SLC25A46: variants seen among roughly 807,000 people sequenced by gnomAD.
SLC25A46 encodes the protein solute carrier family 25 member 46.
SLC25A46 carries 39 observed loss-of-function variants against 44.6 expected under a neutral mutation model. That is an observed-to-expected ratio of 0.87 (90% CI 0.68 to 1.14). The LOEUF (loss-of-function observed/expected upper bound fraction) is 1.14, where lower values mean the gene tolerates loss of function less well. Ranked by LOEUF, SLC25A46 falls within the 50% of genes most tolerant of loss-of-function variation. The probability of loss-of-function intolerance (pLI) is 0.00; values close to 1 mark genes in which losing one functional copy is unlikely to be tolerated. For missense variants in SLC25A46, 547 were observed against 522.7 expected, an observed-to-expected ratio of 1.05 and a Z score of -0.45; for synonymous variants, 202 against 185.8, an observed-to-expected ratio of 1.09 and a Z score of -0.71.
At chr5:110,742,185 A>C (rs1434348627) in intron 2 of SLC25A46, 96 bp downstream of exon 2, 1 of 839,640 alleles carries the variant, frequency 1.2e-6, no homozygotes, top group East Asian at 3.2e-5. Flanking sequence ...TGCTTCCTTT[A>C]GGTTGTTTCT....
intron 6 of SLC25A46, chr5:110,755,980 AT>A (rs34077241): frequency 2.0e-4 from 29 of 148,590 alleles, no homozygotes; most frequent in Non-Finnish European, 2.2e-4. Flanking sequence ...TCACTTTTTA[AT>A]TTTTTTTTTT....
upstream of SLC25A46, chr5:110,738,921 C>A: frequency 7.2e-7 from 1 of 1,392,162 alleles, no homozygotes; most frequent in Non-Finnish European, 9.4e-7. Flanking sequence ...GTCTCCCTAG[C>A]AACCGTGCCC....
intron 5 of SLC25A46, chr5:110,753,685 A>G (rs544029909): frequency 3.4e-4 from 52 of 152,238 alleles, no homozygotes; most frequent in African/African-American, 1.2e-3. Context: ...GATACAAAGA[A>G]GAGTCCCAAA....
Position 110,761,392 on chromosome 5 carries a change from T to A in SLC25A46, c.867T>A (p.Ile289=). 6 of 1,613,768 alleles carry A rather than the reference T, an allele frequency of 3.7e-6. No homozygotes were observed. Among genetic ancestry groups the A allele is most frequent in the Non-Finnish European group, 5.1e-6 (6 of 1,179,794 alleles). The change falls in exon 8 of 8, where the codon ATT becomes ATA. Residue 289 remains isoleucine, a synonymous_variant. Transcript: ENST00000355943. This position sits in a 1 kb window ranked among gnomAD's most constrained non-coding sequence, Gnocchi z 5.3. ...SSVIQKFVLL[I]LKRKTYNSHL... ...TTATTCAGAAGTTTGTCCTACTAAT[T>A]CTAAAGAGAAAGACTTACAATAGCC...
At chr5:110,760,474 A>G (rs757113214) in intron 7 of SLC25A46, among the ~76,000 whole-genome samples, 8 of 152,086 alleles carry the variant, frequency 5.3e-5, no homozygotes, top group Non-Finnish European at 1.2e-4. Flanking sequence ...CTAGAAGCCA[A>G]AGTCTACAGA....
In SLC25A46 at chr5:110,765,130, GA is replaced by G. The variant is rs1800358290; in HGVS notation, c.*3352del. 6.6e-6 allele frequency: 1 copy of G among 151,486 alleles called. No homozygotes were observed. The highest frequency in any genetic ancestry group is 2.4e-5 in the African/African-American group (1 of 41,270). 9.4% of individuals were successfully genotyped at this position (151,486 alleles called of 1,614,324 possible). On this transcript the variant is annotated 3_prime_UTR_variant, in exon 8 of 8. Transcript: ENST00000355943. Reference sequence around the variant, plus strand: ...ATGTTTTGGGTAAATTGTGTAATATGAAAAGTTCAATAAAATGTCGAAATAA... The same window carrying G: ...ATGTTTTGGGTAAATTGTGTAATATGAAAGTTCAATAAAATGTCGAAATAA...
chr5:110,743,986 T>C lies in SLC25A46; in HGVS notation c.384+199T>C, dbSNP rs1234778048. Reference sequence around the variant, plus strand: ...CTTTGGTTTATGTTGGTCATATCTATTGATAGTTACCATTTCAGAAATTAA... The same window carrying C: ...CTTTGGTTTATGTTGGTCATATCTACTGATAGTTACCATTTCAGAAATTAA... On this transcript the variant is annotated intron_variant, in intron 3 of 7. Transcript: ENST00000355943. 2.0e-5 allele frequency among the ~76,000 whole-genome samples: 3 copies of C among 152,304 alleles called. No individual in the cohort carries two copies. In the East Asian group the frequency reaches 5.8e-4, roughly 29 times the overall value.
chr5:110,738,736 C>A (rs1799486968), upstream of SLC25A46: 1 of 263,418 alleles, frequency 3.8e-6, no homozygotes, highest in Non-Finnish European at 7.2e-6. Context: ...TAGGCTCCAC[C>A]CGCGGGTTAT....
intron 4 of SLC25A46, among the ~76,000 whole-genome samples, chr5:110,746,716 G>C (rs1318955164): frequency 6.6e-6 from 1 of 152,206 alleles, no homozygotes; most frequent in African/African-American, 2.4e-5. Context: ...CTTGGGCACA[G>C]TGTATGGCTG....
chr5:110,761,190 C>CATT lies in SLC25A46; in HGVS notation c.679-13_679-11dup. On this transcript the variant is annotated splice_polypyrimidine_tract_variant and intron_variant, in intron 7 of 7. Coordinates refer to ENST00000355943, the MANE Select transcript of SLC25A46 (RefSeq NM_138773.4). The surrounding 1 kb of genome is among the most constrained non-coding windows in gnomAD (Gnocchi z 5.3). ...AAATGTTAAGTTTTACTTATTTCAT[C>CATT]ATTTTTATTTCAGAGTGAGATAATT... 1 of 1,563,054 alleles carries CATT rather than the reference C, an allele frequency of 6.4e-7. No homozygotes were observed.
At chr5:110,743,026 TCTG>T (rs1467134879) in intron 2 of SLC25A46, among the ~76,000 whole-genome samples, 4 of 152,052 alleles carry the variant, frequency 2.6e-5, no homozygotes, top group African/African-American at 9.7e-5. Flanking sequence ...TGTTTTCCAT[TCTG>T]CTGGAGTTGT....
At chr5:110,752,257 C>T (rs1799983740) in intron 5 of SLC25A46, among the ~76,000 whole-genome samples, 1 of 152,110 alleles carries the variant, frequency 6.6e-6, no homozygotes, top group South Asian at 2.1e-4. Context: ...AGTAGTATTA[C>T]TTTTTAACAA....
Position 110,742,081 on chromosome 5 carries a change from A to C in SLC25A46, c.318A>C (p.Gly106=). 1 of 1,571,388 alleles carries C rather than the reference A, an allele frequency of 6.4e-7. No homozygotes were observed. The highest frequency in any genetic ancestry group is 8.6e-7 in the Non-Finnish European group (1 of 1,158,434). Residue 106 remains glycine, a synonymous_variant, in exon 2 of 8, where the codon GGA becomes GGC. Transcript: ENST00000355943. The part of the protein sequence containing the change: ...QLNRFAGFGI[G]LASLFTENVL... ...ATAGATTTGCTGGATTTGGTATTGGACTTGCAAGGTAATGTTTTATCTAAA... is the reference window on the plus strand; with the variant it reads ...ATAGATTTGCTGGATTTGGTATTGGCCTTGCAAGGTAATGTTTTATCTAAA...
At chr5:110,743,125 T>A (rs1015804680) in intron 2 of SLC25A46, among the ~76,000 whole-genome samples, 2 of 152,096 alleles carry the variant, frequency 1.3e-5, no homozygotes, top group Non-Finnish European at 2.9e-5. Context: ...TGTATGTATA[T>A]GTCACTCTGA....
rs1252345378 is a variant in SLC25A46, at chr5:110,755,394, A to C, written c.564-71A>C. 3.2e-6 allele frequency: 3 copies of C among 926,666 alleles called. No homozygotes were observed. In the East Asian group the frequency reaches 7.6e-5, roughly 23 times the overall value. The allele number at this position is 926,666 out of a possible 1,614,324, so 57.4% of individuals were successfully genotyped here. ...AATTAGAAGTTGATTACTGTTTTGA[A>C]AATTGGGCTAATTCCAGATGTTTTA... On this transcript the variant is annotated intron_variant, in intron 5 of 7. Transcript: ENST00000355943.
chr5:110,741,708 A>C (rs951305702), intron 1 of SLC25A46: 4 of 173,852 alleles, frequency 2.3e-5, no homozygotes, highest in African/African-American at 9.5e-5. Context: ...CCAGGACTTT[A>C]AAATTGGAAG....
chr5:110,761,460 C>G lies in SLC25A46; in HGVS notation c.935C>G (p.Ala312Gly). 1 of 1,613,694 alleles carries G rather than the reference C, an allele frequency of 6.2e-7. No individual in the cohort carries two copies. The highest frequency in any genetic ancestry group is 8.5e-7 in the Non-Finnish European group (1 of 1,179,790). The change falls in exon 8 of 8, where the codon GCT becomes GGT. Residue 312 changes from alanine (A) to glycine (G), a missense_variant. Coordinates refer to ENST00000355943, the MANE Select transcript of SLC25A46 (RefSeq NM_138773.4). The surrounding 1 kb of genome is among the most constrained non-coding windows in gnomAD (Gnocchi z 5.3). ...AGCCCTGTGCAGAGTATGTTGGATG[C>G]TTATTTTCCAGAACTTATTGCTAAC... ...STSPVQSMLD[A>G]YFPELIANFA... is the part of the protein sequence containing the mutation.
chr5:110,747,914 GTTGAATATATAGATA>G (rs1306891491), intron 4 of SLC25A46, among the ~76,000 whole-genome samples: 1 of 152,106 alleles, frequency 6.6e-6, no homozygotes, highest in Non-Finnish European at 1.5e-5. Flanking sequence ...CTAGTAGGGA[GTTGAATATATAGATA>G]TTAGGGATAT....
In SLC25A46 at chr5:110,756,715, G is replaced by T. The variant is rs543911130; in HGVS notation, c.634G>T (p.Val212Leu). 3.6e-5 allele frequency: 57 copies of T among 1,572,858 alleles called. No homozygotes were observed. The highest frequency in any genetic ancestry group is 4.8e-5 in the Non-Finnish European group (56 of 1,165,540). The change falls in exon 7 of 8, where the codon GTG becomes TTG. Residue 212 changes from valine (V) to leucine (L), a missense_variant. Physicochemically the swap from Val to Leu is conservative, Grantham distance 32. Coordinates refer to ENST00000355943, the MANE Select transcript of SLC25A46 (RefSeq NM_138773.4). ...TAATTTCTATAGCCTAACTTACGTG[G>T]TGGCAATGCCTTTTTATTCAGCAAG... ...HLLLKSLTYV[V>L]AMPFYSASLI...
Sources: gnomAD v4.1 joint callset for allele counts (sites outside exome capture counted in the v4.1 genomes callset) on GRCh38, gnomAD v4.1.1 for gene constraint, Gnocchi (gnomAD v3.1) non-coding constraint, MANE v1.5 for transcripts, NCBI Gene and HGNC (gene_info 2026-07-23, HGNC 2026-07-21) for gene names.